CNTNAP5: variants seen among roughly 807,000 people sequenced by gnomAD.
CNTNAP5 encodes contactin associated protein family member 5, also known as contactin-associated protein-like 5.
A neutral mutation model predicts 150.2 loss-of-function variants in CNTNAP5; 72 were observed. That is an observed-to-expected ratio of 0.48 (90% CI 0.40 to 0.58). The LOEUF (loss-of-function observed/expected upper bound fraction) is 0.58, where lower values mean the gene tolerates loss of function less well. CNTNAP5 is among the 20% of genes least tolerant of loss of function. The pLI is 0.00. For missense variants in CNTNAP5, 1,636 were observed against 1,626.2 expected (o/e 1.01, Z -0.10); for synonymous variants, 672 against 619.8 (o/e 1.08, Z -1.25).
intron 8 of CNTNAP5, among the ~76,000 whole-genome samples, chr2:124,520,192 T>C (rs1293039220): frequency 6.6e-6 from 1 of 152,182 alleles, no homozygotes; most frequent in Non-Finnish European, 1.5e-5. Flanking sequence ...TCTTGGACAT[T>C]ATGATGTTTA....
At position 124,484,725 on chromosome 2, in the gene CNTNAP5, A is replaced by AG. The variant is rs1321546390; in HGVS notation, c.1062+9843_1062+9844insG. ...TTTTAGAAGTACAACACTAAAGGTT[A>AG]TAGATCAGTGATTATTAGTATTTTA... On this transcript the variant is annotated intron_variant, in intron 7 of 23. Coordinates refer to ENST00000682447, the MANE Select transcript of CNTNAP5 (RefSeq NM_001367498.1). 5.9e-5 allele frequency among the ~76,000 whole-genome samples: 9 copies of AG among 152,314 alleles called. No individual in the cohort carries two copies. In the East Asian group the frequency reaches 1.7e-3, roughly 29 times the overall value.
At position 124,058,136 on chromosome 2, in the gene CNTNAP5, A is replaced by G. The variant is rs184987352; in HGVS notation, c.82+32404A>G. On this transcript the variant is annotated intron_variant, in intron 1 of 23. Coordinates refer to ENST00000682447, the MANE Select transcript of CNTNAP5 (RefSeq NM_001367498.1). ...GAATGACCTACAGGGATTGTTAAAT[A>G]TGCAAATTCCTAGACATCAACACAG... Among the ~76,000 whole-genome samples the G allele has an allele frequency of 2.6e-5, 4 of 152,304 alleles. No individual in the cohort carries two copies. The East Asian group carries it at 7.7e-4, about 29-fold the overall frequency.
chr2:124,814,633 A>G (rs760290894), intron 19 of CNTNAP5, among the ~76,000 whole-genome samples: 11 of 152,150 alleles, frequency 7.2e-5, no homozygotes, highest in Non-Finnish European at 1.3e-4. Context: ...GTTCATCTTC[A>G]AAAGAGTTCA....
At chr2:124,541,792 A>G (rs146568927) in intron 10 of CNTNAP5, among the ~76,000 whole-genome samples, 3 of 152,270 alleles carry the variant, frequency 2.0e-5, no homozygotes, top group East Asian at 1.9e-4. Context: ...AGAGCCCAGG[A>G]TTCCATGATG....
intron 3 of CNTNAP5, among the ~76,000 whole-genome samples, chr2:124,321,499 G>A (rs1233709978): frequency 3.3e-5 from 5 of 151,676 alleles, no homozygotes; most frequent in Non-Finnish European, 7.4e-5. Flanking sequence ...AATTTCTTTT[G>A]CCTTGTGTTT....
intron 21 of CNTNAP5, among the ~76,000 whole-genome samples, chr2:124,891,058 A>AGG (rs2104748048): frequency 6.6e-6 from 1 of 152,282 alleles, no homozygotes; most frequent in East Asian, 1.9e-4. Flanking sequence ...TTAGTAGCTT[A>AGG]AACCAGTATC....
At chr2:124,619,951 C>T (rs1225569331) in intron 12 of CNTNAP5, among the ~76,000 whole-genome samples, 1 of 144,174 alleles carries the variant, frequency 6.9e-6, no homozygotes, top group Non-Finnish European at 1.5e-5. Context: ...TGCACACACA[C>T]ACAGTTTAGT....
chr2:124,611,344 C>T (rs900117315), intron 12 of CNTNAP5, among the ~76,000 whole-genome samples: 3 of 152,206 alleles, frequency 2.0e-5, no homozygotes, highest in African/African-American at 7.2e-5. Context: ...ATTTGCCCAT[C>T]TGGATACAAA....
At chr2:124,258,748 G>A (rs1295557667) in intron 3 of CNTNAP5, among the ~76,000 whole-genome samples, 1 of 152,182 alleles carries the variant, frequency 6.6e-6, no homozygotes, top group Non-Finnish European at 1.5e-5. Flanking sequence ...ATTTTATGAT[G>A]ACTGCCTTCT....
At chr2:124,086,270 C>CTTTGTTTTTAAAAGTTTAATT (rs1558750250) in intron 1 of CNTNAP5, among the ~76,000 whole-genome samples, 14 of 138,970 alleles carry the variant, frequency 1.0e-4, no homozygotes, top group African/African-American at 3.6e-4. Flanking sequence ...CATCTCGGCT[C>CTTTGTTTTTAAAAGTTTAATT]ATTGCAAGCT....
intron 1 of CNTNAP5, among the ~76,000 whole-genome samples, chr2:124,219,033 T>A (rs1268341609): frequency 1.3e-5 from 2 of 152,138 alleles, no homozygotes; most frequent in African/African-American, 4.8e-5. Flanking sequence ...AATGATTAGG[T>A]TACTTCTACT....
At chr2:124,862,063 C>A (rs911528811) in intron 19 of CNTNAP5, among the ~76,000 whole-genome samples, 1 of 152,218 alleles carries the variant, frequency 6.6e-6, no homozygotes, top group African/African-American at 2.4e-5. Context: ...ATCTGCCTGC[C>A]TTGGCCTCCC....
Position 124,853,653 on chromosome 2 carries a change from AT to A in CNTNAP5, c.3218-11645del, listed in dbSNP as rs199815942. 4.9e-3 allele frequency among the ~76,000 whole-genome samples: 738 copies of A among 151,930 alleles called. 9 individuals carry two copies. Among genetic ancestry groups the A allele is most frequent in the African/African-American group, 0.017 (691 of 41,430 alleles). ...AAACTCTTTCTAATTACCTCCACGCATTTTTTTTAACTTTTATTTTAGATTC... is the reference window on the plus strand; with the variant it reads ...AAACTCTTTCTAATTACCTCCACGCATTTTTTTAACTTTTATTTTAGATTC... On this transcript the variant is annotated intron_variant, in intron 19 of 23. Transcript: ENST00000682447.
intron 17 of CNTNAP5, among the ~76,000 whole-genome samples, chr2:124,781,869 A>G (rs866271021): frequency 1.3e-5 from 2 of 152,128 alleles, no homozygotes; most frequent in Non-Finnish European, 2.9e-5. Context: ...AAATTAATTC[A>G]TCAAAAACAT....
At chr2:124,174,403 A>G (rs1385348400) in intron 1 of CNTNAP5, among the ~76,000 whole-genome samples, 7 of 152,218 alleles carry the variant, frequency 4.6e-5, no homozygotes, top group Non-Finnish European at 7.3e-5. Flanking sequence ...TGCCACTAAT[A>G]ACATCTGTGA....
chr2:124,674,921 T>C (rs1241261634), intron 13 of CNTNAP5, among the ~76,000 whole-genome samples: 3 of 152,098 alleles, frequency 2.0e-5, no homozygotes, highest in African/African-American at 7.2e-5. Context: ...TTGGATAATT[T>C]TTATTGTGTA....
intron 3 of CNTNAP5, among the ~76,000 whole-genome samples, chr2:124,363,353 C>G (rs2104718113): frequency 6.6e-6 from 1 of 152,176 alleles, no homozygotes; most frequent in South Asian, 2.1e-4. Flanking sequence ...CAAACAGACT[C>G]CCCTCCTGAA....
At chr2:124,723,643 G>C (rs1376904414) in intron 13 of CNTNAP5, among the ~76,000 whole-genome samples, 5 of 152,124 alleles carry the variant, frequency 3.3e-5, no homozygotes, top group African/African-American at 4.8e-5. Context: ...TAAAGTTAGA[G>C]GTCCAGGATC....
At chr2:124,648,073 A>C in intron 13 of CNTNAP5, 115 bp downstream of exon 13, 7 of 876,930 alleles carry the variant, frequency 8.0e-6, no homozygotes, top group Non-Finnish European at 1.2e-5. Context: ...GTCACTGTGC[A>C]CTCGAGAGAA....
Sources: gnomAD v4.1 joint callset for allele counts (sites outside exome capture counted in the v4.1 genomes callset) on GRCh38, gnomAD v4.1.1 for gene constraint, MANE v1.5 for transcripts, NCBI Gene and HGNC (gene_info 2026-07-23, HGNC 2026-07-21) for gene names.